Variants in NTM observed in about 807,000 individuals in gnomAD.
NTM encodes the protein neurotrimin, also known as IgLON family member 2.
NTM carries 13 observed loss-of-function variants against 42.1 expected under a neutral mutation model. The ratio of observed to expected loss-of-function variants is 0.31; its 90% confidence interval spans 0.20 to 0.49. The LOEUF is 0.49. NTM is among the 20% of genes least tolerant of loss of function. NTM has a pLI of 0.99. For synonymous variants in NTM, 187 were observed against 179.2 expected (o/e 1.04, Z -0.35); for missense variants, 373 against 452.8 (o/e 0.82, Z 1.60).
At chr11:131,594,772 G>A (rs2059672936) in intron 1 of NTM, among the ~76,000 whole-genome samples, 1 of 152,144 alleles carries the variant, frequency 6.6e-6, no homozygotes, top group Admixed American at 6.5e-5. Flanking sequence ...GGAGGTAGAA[G>A]GAAGGAAATG....
intron 2 of NTM, among the ~76,000 whole-genome samples, chr11:131,975,234 G>A (rs993803415): frequency 5.9e-5 from 9 of 151,912 alleles, no homozygotes; most frequent in African/African-American, 2.2e-4. Flanking sequence ...AGTCTGGAGT[G>A]CAGTTGAGCA....
At chr11:131,710,332 C>T (rs1490592871) in intron 1 of NTM, among the ~76,000 whole-genome samples, 3 of 152,140 alleles carry the variant, frequency 2.0e-5, no homozygotes. Context: ...TTGTTGTATG[C>T]AGTGCATAAC....
intron 4 of NTM, among the ~76,000 whole-genome samples, chr11:132,216,563 C>G (rs1293891758): frequency 6.6e-6 from 1 of 152,194 alleles, no homozygotes; most frequent in East Asian, 1.9e-4. Flanking sequence ...GGATATTCAG[C>G]AAAGCCCTGC....
chr11:131,457,575 C>T (rs759463743), intron 1 of NTM, among the ~76,000 whole-genome samples: 11 of 152,144 alleles, frequency 7.2e-5, no homozygotes, highest in Middle Eastern at 3.2e-3. Context: ...AATGATACTG[C>T]GGCATGGTAA....
intron 1 of NTM, among the ~76,000 whole-genome samples, chr11:131,486,112 A>G (rs1220452583): frequency 6.6e-6 from 1 of 152,158 alleles, no homozygotes; most frequent in Non-Finnish European, 1.5e-5. Context: ...CACAGAATAC[A>G]GAATGAAGGA....
chr11:131,533,210 C>A (rs1487227099), intron 1 of NTM, among the ~76,000 whole-genome samples: 1 of 152,012 alleles, frequency 6.6e-6, no homozygotes, highest in African/African-American at 2.4e-5. Flanking sequence ...AAATAACAAC[C>A]CAGGAAAACC....
chr11:131,858,618 C>A (rs1302246605), intron 1 of NTM, among the ~76,000 whole-genome samples: 3 of 152,194 alleles, frequency 2.0e-5, no homozygotes, highest in African/African-American at 7.2e-5. Context: ...GCAAATGAGG[C>A]AATAGCAGCC....
chr11:131,873,962 T>C (rs2048173906), intron 1 of NTM, among the ~76,000 whole-genome samples: 1 of 118,558 alleles, frequency 8.4e-6, no homozygotes, highest in Non-Finnish European at 1.7e-5. Context: ...CCAGCTTTTA[T>C]ATATATATTA....
chr11:132,258,492 GC>G (rs1271888500), intron 4 of NTM, among the ~76,000 whole-genome samples: 5 of 152,090 alleles, frequency 3.3e-5, no homozygotes, highest in African/African-American at 9.7e-5. Flanking sequence ...TAGTGTCTTT[GC>G]TTTTTGCACT....
chr11:131,869,500 T>C (rs1260657736), intron 1 of NTM, among the ~76,000 whole-genome samples: 5 of 152,224 alleles, frequency 3.3e-5, no homozygotes, highest in Non-Finnish European at 7.3e-5. Flanking sequence ...AGAAATTGGC[T>C]CATCCTGTCC....
intron 1 of NTM, among the ~76,000 whole-genome samples, chr11:131,787,152 T>C (rs1054287865): frequency 1.3e-5 from 2 of 151,938 alleles, no homozygotes; most frequent in African/African-American, 4.8e-5. Context: ...CATTCTAACT[T>C]TCAGTAACCT....
chr11:132,075,217 G>A (rs373214660), intron 2 of NTM, among the ~76,000 whole-genome samples: 13 of 152,276 alleles, frequency 8.5e-5, no homozygotes, highest in African/African-American at 2.2e-4. Context: ...TTTCAGTTAC[G>A]CAAGATGTGT....
intron 1 of NTM, among the ~76,000 whole-genome samples, chr11:131,670,543 G>A (rs1464902218): frequency 3.3e-5 from 5 of 152,116 alleles, no homozygotes; most frequent in Admixed American, 2.0e-4. Context: ...GCTGGAGCTG[G>A]GCCTTCTCTG....
intron 2 of NTM, among the ~76,000 whole-genome samples, chr11:132,053,228 C>T (rs971710095): frequency 9.2e-5 from 14 of 152,138 alleles, no homozygotes; most frequent in Non-Finnish European, 1.5e-5. Flanking sequence ...AGTAATGTGT[C>T]CAAGGTCACC....
intron 3 of NTM, among the ~76,000 whole-genome samples, chr11:132,152,413 T>C (rs1394504149): frequency 6.6e-6 from 1 of 152,242 alleles, no homozygotes; most frequent in Non-Finnish European, 1.5e-5. Context: ...GGGGGCATAC[T>C]GATCATCCCA....
chr11:131,476,389 T>C (rs1591778656), intron 1 of NTM, among the ~76,000 whole-genome samples: 1 of 152,324 alleles, frequency 6.6e-6, no homozygotes, highest in East Asian at 1.9e-4. Context: ...CCTGTGGCCA[T>C]GCTTAGGATT....
chr11:131,777,190 C>G (rs55972344), intron 1 of NTM: 56 of 352,268 alleles, frequency 1.6e-4, no homozygotes, highest in African/African-American at 1.2e-3. Flanking sequence ...AGTGCCCTCT[C>G]TTTGCAAGCC....
At chr11:131,803,621 A>G (rs1194954847) in intron 1 of NTM, among the ~76,000 whole-genome samples, 3 of 152,190 alleles carry the variant, frequency 2.0e-5, no homozygotes, top group African/African-American at 7.2e-5. Context: ...TCACTGACTT[A>G]TTAATTATCA....
chr11:132,136,100 G>A (rs958926349), intron 2 of NTM, among the ~76,000 whole-genome samples: 4 of 152,228 alleles, frequency 2.6e-5, no homozygotes, highest in African/African-American at 9.7e-5. Flanking sequence ...ACTAGAGAGA[G>A]GAGAGGCTTC....
Sources: allele counts gnomAD v4.1 joint callset (sites outside exome capture counted in the v4.1 genomes callset), GRCh38; gene constraint gnomAD v4.1.1; transcripts MANE v1.5; gene names NCBI Gene and HGNC (gene_info 2026-07-23, HGNC 2026-07-21).